ARID1B: variants seen among roughly 807,000 people sequenced by gnomAD.
ARID1B encodes AT-rich interactive domain-containing protein 1B.
Under a neutral mutation model 212.3 loss-of-function variants are expected in ARID1B, and 30 were observed. That is an observed-to-expected ratio of 0.14 (90% CI 0.11 to 0.19). ARID1B has a LOEUF of 0.19. Among genes scored for constraint, ARID1B ranks in the 10% least tolerant of loss-of-function variants. The pLI is 1.00. For synonymous variants in ARID1B, 1,402 were observed against 1,301.7 expected, an observed-to-expected ratio of 1.08 and a Z score of -1.66; for missense variants, 2,891 against 3,204.0, an observed-to-expected ratio of 0.90 and a Z score of 2.36.
intron 11 of ARID1B, among the ~76,000 whole-genome samples, chr6:157,179,057 A>C (rs998531763): frequency 6.6e-6 from 1 of 152,248 alleles, no homozygotes; most frequent in African/African-American, 2.4e-5. Context: ...AATAAAATGC[A>C]AGAGGGAAGT....
At chr6:156,790,981 A>G (rs1174627697) in intron 1 of ARID1B, among the ~76,000 whole-genome samples, 3 of 152,242 alleles carry the variant, frequency 2.0e-5, no homozygotes, top group Non-Finnish European at 4.4e-5. Context: ...TTGCTATATT[A>G]TTAGTGAGAA....
intron 4 of ARID1B, among the ~76,000 whole-genome samples, chr6:157,080,335 T>C (rs948359670): frequency 6.6e-6 from 1 of 152,236 alleles, no homozygotes; most frequent in Non-Finnish European, 1.5e-5. Flanking sequence ...GCCACCAGTA[T>C]TGACTGAATT....
chr6:157,062,707 T>TATA (rs368043686), intron 4 of ARID1B, among the ~76,000 whole-genome samples: 8,663 of 120,534 alleles, frequency 0.072, 310 homozygotes, highest in East Asian at 0.19. Flanking sequence ...TATATATATA[T>TATA]TTTTTTTTTT....
intron 3 of ARID1B, among the ~76,000 whole-genome samples, chr6:156,931,044 G>A (rs1791659191): frequency 6.6e-6 from 1 of 151,958 alleles, no homozygotes; most frequent in African/African-American, 2.4e-5. Context: ...CAAAAAATTA[G>A]CCAGGTGTGG....
intron 1 of ARID1B, among the ~76,000 whole-genome samples, chr6:156,781,281 CT>C (rs368353818): frequency 0.072 from 10,778 of 150,200 alleles, 421 homozygotes; most frequent in South Asian, 0.089. Context: ...GCCCCATAAT[CT>C]TTTTTTTTTC....
At position 156,926,731 on chromosome 6, in the gene ARID1B, C is replaced by T. The variant is rs529116376; in HGVS notation, c.2137-8735C>T. Among the ~76,000 whole-genome samples, 7 of 152,210 alleles carry T rather than the reference C, an allele frequency of 4.6e-5. No homozygotes were observed. In the East Asian group the frequency reaches 7.7e-4, roughly 17 times the overall value. On this transcript the variant is annotated intron_variant, in intron 3 of 19. Coordinates refer to ENST00000636930, the MANE Select transcript of ARID1B (RefSeq NM_001374828.1). The stretch of plus-strand genomic sequence containing the variant: ...GGAGTCTCTCTCTGTTGCCCAGGCT[C>T]GGGTGCAGTGGTGAGGTCTCGGCTC...
intron 2 of ARID1B, among the ~76,000 whole-genome samples, chr6:156,842,198 C>T (rs1454787093): frequency 2.0e-5 from 3 of 152,168 alleles, no homozygotes; most frequent in Admixed American, 1.3e-4. Flanking sequence ...TGTTGTACAA[C>T]CACCTCCTCT....
At chr6:156,910,454 T>A (rs1459293407) in intron 3 of ARID1B, among the ~76,000 whole-genome samples, 1 of 152,174 alleles carries the variant, frequency 6.6e-6, no homozygotes, top group Admixed American at 6.5e-5. Flanking sequence ...TTTACTCCCT[T>A]TTGGCAGGCC....
At chr6:157,187,625 C>A (rs892284787) in intron 13 of ARID1B, among the ~76,000 whole-genome samples, 1 of 152,152 alleles carries the variant, frequency 6.6e-6, no homozygotes, top group African/African-American at 2.4e-5. Flanking sequence ...CTTCAGTAAC[C>A]TTTCCATTGT....
In ARID1B at chr6:156,779,457, A is replaced by G. The variant is rs780293502; in HGVS notation, c.1777A>G (p.Met593Val). 3.5e-6 allele frequency: 5 copies of G among 1,425,768 alleles called. No individual in the cohort carries two copies. The East Asian group carries it at 9.0e-5, about 26-fold the overall frequency. The allele number at this position is 1,425,768 out of a possible 1,614,324, so 88.3% of individuals were successfully genotyped here. Residue 593 changes from methionine (M) to valine (V), a missense_variant, in exon 1 of 20, where the codon ATG becomes GTG. Met to Val is a conservative substitution (Grantham distance 21, BLOSUM62 1). Transcript: ENST00000636930. ...GAGCCCCGGCACCCCCGGACCGACC[A>G]TGGGCAGATCCCAGGTAACCCTCGC... is the stretch of plus-strand genomic sequence containing the variant. ...AMSPGTPGPT[M>V]GRSQGSPMDP...
intron 4 of ARID1B, among the ~76,000 whole-genome samples, chr6:156,977,965 T>C (rs1249079043): frequency 1.3e-5 from 2 of 152,120 alleles, no homozygotes; most frequent in Non-Finnish European, 2.9e-5. Context: ...TGGTTTTCCC[T>C]CTCTGGCGGG....
intron 6 of ARID1B, among the ~76,000 whole-genome samples, chr6:157,125,148 A>G (rs190776062): frequency 6.6e-6 from 1 of 152,274 alleles, no homozygotes; most frequent in African/African-American, 2.4e-5. Context: ...GAGTCAAGAG[A>G]CAGTGAATGG....
At chr6:157,178,883 C>T (rs2128312795) in intron 11 of ARID1B, among the ~76,000 whole-genome samples, 1 of 152,312 alleles carries the variant, frequency 6.6e-6, no homozygotes, top group South Asian at 2.1e-4. Flanking sequence ...TCATCCAGAA[C>T]CACTCCCCAG....
At chr6:157,120,941 T>C (rs1211617683) in intron 6 of ARID1B, among the ~76,000 whole-genome samples, 1 of 152,232 alleles carries the variant, frequency 6.6e-6, no homozygotes, top group Non-Finnish European at 1.5e-5. Context: ...CCACGCACGC[T>C]TTCTGTGTTT....
At chr6:157,065,698 G>A (rs188876284) in intron 4 of ARID1B, among the ~76,000 whole-genome samples, 56 of 152,312 alleles carry the variant, frequency 3.7e-4, no homozygotes, top group African/African-American at 1.2e-3. Context: ...TTTTCAGGGA[G>A]AATACCAAAG....
intron 5 of ARID1B, among the ~76,000 whole-genome samples, chr6:157,106,980 G>GAGGC (rs1477653305): frequency 6.6e-6 from 1 of 152,176 alleles, no homozygotes; most frequent in Non-Finnish European, 1.5e-5. Context: ...CAGGTTTGAG[G>GAGGC]AGGCATAGGA....
chr6:156,867,113 C>T (rs569443186), intron 2 of ARID1B, among the ~76,000 whole-genome samples: 3 of 152,302 alleles, frequency 2.0e-5, no homozygotes, highest in East Asian at 1.9e-4. Flanking sequence ...CTCTGACAGA[C>T]GGTTTTCATC....
At position 157,148,744 on chromosome 6, in the gene ARID1B, G is replaced by A. The variant is rs770228055; in HGVS notation, c.2882G>A (p.Cys961Tyr). Reference sequence around the variant, plus strand: ...CATGGACAAGGGCCAAGCCAGCCATGTGGTGCTGTGCCCCTGGGACGAATG... The same window carrying A: ...CATGGACAAGGGCCAAGCCAGCCATATGGTGCTGTGCCCCTGGGACGAATG... ...QMHGQGPSQP[C>Y]GAVPLGRMPS... is the part of the protein sequence containing the mutation. Residue 961 changes from cysteine to tyrosine, a missense_variant, in exon 8 of 20, where the codon TGT becomes TAT. Physicochemically the swap from Cys to Tyr is radical, Grantham distance 194 (BLOSUM62 -2). Transcript: ENST00000636930. The surrounding 1 kb of genome is among the most constrained non-coding windows in gnomAD (Gnocchi z 5.6). 38 of 1,613,140 alleles carry A rather than the reference G, an allele frequency of 2.4e-5. No homozygotes were observed. Among genetic ancestry groups the A allele is most frequent in the Non-Finnish European group, 2.9e-5 (34 of 1,179,984 alleles).
chr6:156,955,771 G>A lies in ARID1B; in HGVS notation c.2247+20195G>A, dbSNP rs1382040520. 6.6e-6 allele frequency among the ~76,000 whole-genome samples: 1 copy of A among 152,146 alleles called. No individual in the cohort carries two copies. The highest frequency in any genetic ancestry group is 1.9e-4 in the East Asian group (1 of 5,192). ...AGAGCCTGGATGTCATGGGGTCCAA[G>A]GCAGAAGATACTCGCCCTGGACTTG... is the stretch of plus-strand genomic sequence containing the variant. On this transcript the variant is annotated intron_variant, in intron 4 of 19. Coordinates refer to ENST00000636930, the MANE Select transcript of ARID1B (RefSeq NM_001374828.1). The surrounding 1 kb of genome is among the most constrained non-coding windows in gnomAD (Gnocchi z 4.2).
Sources: allele counts gnomAD v4.1 joint callset (sites outside exome capture counted in the v4.1 genomes callset), GRCh38; gene constraint gnomAD v4.1.1; non-coding constraint Gnocchi (gnomAD v3.1); transcripts MANE v1.5; gene names NCBI Gene and HGNC (gene_info 2026-07-23, HGNC 2026-07-21).